The following MECR variants were observed in gnomAD, a reference collection of about 807,000 sequenced individuals.
MECR encodes enoyl-[acyl-carrier-protein] reductase, mitochondrial.
In MECR, 37 loss-of-function variants were observed where a neutral mutation model predicts 49.1. The observed-to-expected ratio is 0.75, with a 90% CI of 0.58 to 0.99. MECR has a LOEUF of 0.99. Among genes scored for constraint, MECR ranks in the 50% least tolerant of loss-of-function variants. The probability of loss-of-function intolerance (pLI) is 0.00; values close to 1 mark genes in which losing one functional copy is unlikely to be tolerated. For synonymous variants in MECR, 198 were observed against 191.1 expected (o/e 1.04, Z -0.30); for missense variants, 470 against 479.6 (o/e 0.98, Z 0.19).
chr1:29,168,118 A>T, the MECR span, among the ~76,000 whole-genome samples: 2 of 151,630 alleles, frequency 1.3e-5, no homozygotes, highest in African/African-American at 4.8e-5. Context: ...GGGCTCAAGC[A>T]ATTCTTGTAC....
At chr1:29,223,238 C>G (rs1681204415) in intron 1 of MECR, 10 of 985,232 alleles carry the variant, frequency 1.0e-5, no homozygotes, top group Non-Finnish European at 1.2e-5. Context: ...CACAATGGCT[C>G]CTTTGAGGCC....
intron 3 of MECR, among the ~76,000 whole-genome samples, chr1:29,208,758 A>T (rs1677223712): frequency 6.6e-6 from 1 of 152,202 alleles, no homozygotes; most frequent in Admixed American, 6.5e-5. Flanking sequence ...CACTTGAACA[A>T]TACAGACAGT....
At chr1:29,212,794 C>T (rs1270129925) in intron 3 of MECR, among the ~76,000 whole-genome samples, 2 of 152,222 alleles carry the variant, frequency 1.3e-5, no homozygotes, top group African/African-American at 4.8e-5. Flanking sequence ...GTACCCCTCG[C>T]ACCGTGGATG....
At chr1:29,178,152 G>A in the MECR span, among the ~76,000 whole-genome samples, 4 of 151,750 alleles carry the variant, frequency 2.6e-5, no homozygotes, top group Non-Finnish European at 5.9e-5. Context: ...CACCTACCTC[G>A]GCCTCCCAAG....
At chr1:29,215,757 G>A (rs1198996140) in intron 3 of MECR, among the ~76,000 whole-genome samples, 1 of 152,100 alleles carries the variant, frequency 6.6e-6, no homozygotes, top group Non-Finnish European at 1.5e-5. Context: ...TGTAATCCCA[G>A]CTACTTGGGA....
downstream of MECR, among the ~76,000 whole-genome samples, chr1:29,192,501 C>G (rs1673181821): frequency 6.6e-6 from 1 of 152,074 alleles, no homozygotes; most frequent in South Asian, 2.1e-4. Flanking sequence ...CTATACTGGT[C>G]AATCTTGCAC....
At chr1:29,204,440 A>T (rs1490727048) in intron 4 of MECR, among the ~76,000 whole-genome samples, 2 of 152,124 alleles carry the variant, frequency 1.3e-5, no homozygotes, top group Non-Finnish European at 2.9e-5. Context: ...GAATCAATCT[A>T]GTTGGTTGCA....
At chr1:29,198,995 A>G (rs757176375) in intron 7 of MECR, among the ~76,000 whole-genome samples, 40 of 152,132 alleles carry the variant, frequency 2.6e-4, no homozygotes, top group Admixed American at 5.2e-4. Context: ...AGGGTAAGTC[A>G]AGCGCTGCAC....
At chr1:29,194,329 G>A (rs1673449005) in intron 9 of MECR, 150 bp from the exon 10 acceptor site, 7 of 841,992 alleles carry the variant, frequency 8.3e-6, no homozygotes, top group Non-Finnish European at 1.1e-5. Flanking sequence ...TGGCTGTGGA[G>A]GCAGCCTGGT....
chr1:29,210,341 A>G, intron 3 of MECR, among the ~76,000 whole-genome samples: 1 of 152,120 alleles, frequency 6.6e-6, no homozygotes, highest in South Asian at 2.1e-4. Context: ...AGGCTGTGTC[A>G]ATCCTAGAGT....
At chr1:29,228,635 C>A (rs1053155477) in intron 1 of MECR, among the ~76,000 whole-genome samples, 2 of 151,956 alleles carry the variant, frequency 1.3e-5, no homozygotes, top group African/African-American at 4.8e-5. Context: ...ATGTTTTGAA[C>A]TAGAGGGAAA....
At chr1:29,223,112 G>A (rs1681170602) in intron 1 of MECR, 7 of 985,460 alleles carry the variant, frequency 7.1e-6, no homozygotes, top group Non-Finnish European at 6.0e-6. Flanking sequence ...ACCCAGCCTG[G>A]CTAGATCTCA....
chr1:29,227,102 T>G (rs928186779), intron 1 of MECR, among the ~76,000 whole-genome samples: 1 of 152,068 alleles, frequency 6.6e-6, no homozygotes, highest in African/African-American at 2.4e-5. Context: ...TAGCTAGGAT[T>G]ACAGGCATGC....
At chr1:29,179,510 T>C in the MECR span, among the ~76,000 whole-genome samples, 4 of 152,124 alleles carry the variant, frequency 2.6e-5, no homozygotes, top group Non-Finnish European at 4.4e-5. Context: ...TAGGCGAGTG[T>C]CACCACGCGT....
In MECR at chr1:29,203,144, C is replaced by T; in HGVS notation, c.640G>A (p.Val214Met). The change falls in exon 5 of 10, where the codon GTG (valine) becomes ATG (methionine). Residue 214 changes from valine to methionine, a missense_variant. Val to Met is a conservative substitution (Grantham distance 21, BLOSUM62 1). Coordinates refer to ENST00000263702, the MANE Select transcript of MECR (RefSeq NM_016011.5). ...TTCCCCACGCACCTGTCTCGGACCA[C>T]ATTGATGGTTCTTAGGCCCAGGGCT... ...AAALGLRTIN[V>M]VRDRPDIQKL... 6.3e-7 allele frequency: 1 copy of T among 1,578,004 alleles called. No homozygotes were observed. The highest frequency in any genetic ancestry group is 1.1e-5 in the South Asian group (1 of 87,004).
chr1:29,168,228 A>G, the MECR span, among the ~76,000 whole-genome samples: 1 of 141,336 alleles, frequency 7.1e-6, no homozygotes, highest in Non-Finnish European at 1.5e-5. Flanking sequence ...ACAGGGTTTC[A>G]CCATGTTGCC....
In MECR at chr1:29,201,229, C is replaced by G. The variant is rs1024332897; in HGVS notation, c.757-640G>C. ...TGGGTTTCAGCTCCCTGTGTGCCCC[C>G]CTTTTCAGTTCTTTGACTCAGCTGA... On this transcript the variant is annotated intron_variant, in intron 6 of 9. Coordinates refer to ENST00000263702, the MANE Select transcript of MECR (RefSeq NM_016011.5). This position sits in a 1 kb window ranked among gnomAD's most constrained non-coding sequence, Gnocchi z 4.3. The G allele has an allele frequency of 5.5e-5, 19 of 347,802 alleles. No individual in the cohort carries two copies. The East Asian group carries it at 1.1e-3, about 19-fold the overall frequency. 21.5% of individuals were successfully genotyped at this position (347,802 alleles called of 1,614,324 possible).
At chr1:29,171,027 T>C in the MECR span, 1 of 152,180 alleles carries the variant, frequency 6.6e-6, no homozygotes, top group Admixed American at 6.6e-5. Context: ...GGCATACAAA[T>C]TCAGAGCATA....
chr1:29,171,157 C>T, the MECR span: 1 of 152,018 alleles, frequency 6.6e-6, no homozygotes, highest in Non-Finnish European at 1.5e-5. Flanking sequence ...CTGATACCAC[C>T]TTACAGCTTT....
Sources: gnomAD v4.1 joint callset for allele counts (sites outside exome capture counted in the v4.1 genomes callset) on GRCh38, gnomAD v4.1.1 for gene constraint, Gnocchi (gnomAD v3.1) non-coding constraint, MANE v1.5 for transcripts, NCBI Gene and HGNC (gene_info 2026-07-23, HGNC 2026-07-21) for gene names.